SAMD12: variants seen among roughly 807,000 people sequenced by gnomAD.
SAMD12 encodes sterile alpha motif domain-containing protein 12.
In SAMD12, 9 loss-of-function variants were observed where a neutral mutation model predicts 15.0. The observed-to-expected ratio is 0.60, with a 90% CI of 0.36 to 1.05. The LOEUF (loss-of-function observed/expected upper bound fraction) is 1.05. Among genes scored for constraint, SAMD12 ranks in the 50% least tolerant of loss-of-function variants. The pLI is 0.01. For synonymous variants in SAMD12, 86 were observed against 90.1 expected (o/e 0.96, Z 0.25); for missense variants, 230 against 234.2 (o/e 0.98, Z 0.12).
chr8:118,392,117 A>G (rs1820307529), intron 3 of SAMD12, among the ~76,000 whole-genome samples: 1 of 152,200 alleles, frequency 6.6e-6, no homozygotes, highest in South Asian at 2.1e-4. Context: ...GTAACTACTC[A>G]CAGCGGTAAG....
intron 4 of SAMD12, among the ~76,000 whole-genome samples, chr8:118,332,477 G>A (rs982472483): frequency 6.6e-5 from 10 of 152,204 alleles, no homozygotes; most frequent in Admixed American, 6.5e-4. Context: ...CCCAAAACAG[G>A]ATGTGCAGGT....
At chr8:118,547,821 G>A (rs1826176018) in intron 2 of SAMD12, among the ~76,000 whole-genome samples, 1 of 152,050 alleles carries the variant, frequency 6.6e-6, no homozygotes, top group South Asian at 2.1e-4. Context: ...AATAACCACA[G>A]AAAACCAGAT....
rs11384671 is a variant in SAMD12 at position 118,507,991 on chromosome 8, CT to C, written c.193-68031del. On this transcript the variant is annotated intron_variant, in intron 2 of 3. Transcript: ENST00000314727. ...GCAAACCCCTAGATAGTATAATCTCCTTTTTTTTTTTTTTTTTTTTGAGACA... is the reference window on the plus strand; with the variant it reads ...GCAAACCCCTAGATAGTATAATCTCCTTTTTTTTTTTTTTTTTTTGAGACA... 2.9e-3 allele frequency among the ~76,000 whole-genome samples: 319 copies of C among 108,810 alleles called. 2 individuals carry two copies. Among genetic ancestry groups the C allele is most frequent in the African/African-American group, 9.1e-3 (262 of 28,690 alleles). 71.4% of individuals were successfully genotyped at this position (108,810 alleles called of 152,430 possible).
intron 2 of SAMD12, among the ~76,000 whole-genome samples, chr8:118,569,393 G>T (rs1213372949): frequency 1.3e-5 from 2 of 152,130 alleles, no homozygotes; most frequent in African/African-American, 2.4e-5. Flanking sequence ...ATGAGATACT[G>T]AACTTGGAAT....
In SAMD12 at chr8:118,587,166, T is replaced by C. The variant is rs150596985; in HGVS notation, c.14-6273A>G. ...CCACCATTAGTTATTAGAATTGAGA[T>C]AGGTTATTTCAAATTTCATGTTTAT... is the stretch of plus-strand genomic sequence containing the variant. On this transcript the variant is annotated intron_variant, in intron 1 of 3. Coordinates refer to ENST00000314727, the MANE Select transcript of SAMD12 (RefSeq NM_207506.3). Among the ~76,000 whole-genome samples the C allele has an allele frequency of 3.9e-3, 593 of 152,306 alleles. 7 individuals carry two copies. Among genetic ancestry groups the C allele is most frequent in the African/African-American group, 0.014 (566 of 41,540 alleles).
chr8:118,380,559 T>C (rs1463405680), intron 3 of SAMD12, among the ~76,000 whole-genome samples: 2 of 152,198 alleles, frequency 1.3e-5, no homozygotes, highest in Admixed American at 6.5e-5. Flanking sequence ...TATTTCCATT[T>C]TGAGGGTTTA....
chr8:118,536,437 T>TACAG (rs59107770), intron 2 of SAMD12, among the ~76,000 whole-genome samples: 18,122 of 128,078 alleles, frequency 0.14, 1,878 homozygotes, highest in African/African-American at 0.33. Context: ...TGTAGACTGA[T>TACAG]ACACAAACAC....
intron 4 of SAMD12, chr8:118,282,207 A>C: frequency 2.3e-6 from 1 of 439,386 alleles, no homozygotes. Context: ...TCAGAGGGGA[A>C]ATCTGGGTTT....
the SAMD12 span, among the ~76,000 whole-genome samples, chr8:118,175,037 A>AC: frequency 0.52 from 72,056 of 139,798 alleles, 20,602 homozygotes; most frequent in Non-Finnish European, 0.64. Context: ...AAAAAAACAA[A>AC]AAAAAAAAAA....
exon 5 of SAMD12, chr8:118,194,840 A>C (rs1034092083): frequency 1.3e-5 from 2 of 152,184 alleles, no homozygotes; most frequent in African/African-American, 4.8e-5. Context: ...AAGCCTGTGA[A>C]TGAAGTCATT....
chr8:118,423,105 G>A (rs923574332), intron 3 of SAMD12, among the ~76,000 whole-genome samples: 2 of 152,180 alleles, frequency 1.3e-5, no homozygotes, highest in African/African-American at 4.8e-5. Flanking sequence ...TGGGGCTTGT[G>A]CCCAGGGTAT....
exon 5 of SAMD12, chr8:118,190,853 C>T (rs1411223697): frequency 2.6e-5 from 4 of 152,142 alleles, no homozygotes; most frequent in African/African-American, 9.7e-5. Context: ...GAATTCAAAA[C>T]ATTTTCTTCC....
chr8:118,384,925 C>T (rs1245411061), intron 3 of SAMD12, among the ~76,000 whole-genome samples: 1 of 152,030 alleles, frequency 6.6e-6, no homozygotes, highest in African/African-American at 2.4e-5. Context: ...TATTAGGTGC[C>T]CTCAGGGCTA....
At chr8:118,359,200 G>A (rs932327611) in intron 4 of SAMD12, among the ~76,000 whole-genome samples, 1 of 152,146 alleles carries the variant, frequency 6.6e-6, no homozygotes, top group African/African-American at 2.4e-5. Flanking sequence ...AGGTCATTAG[G>A]ATAAGTTCTA....
At chr8:118,367,596 T>C (rs545844598) in intron 4 of SAMD12, among the ~76,000 whole-genome samples, 1 of 152,336 alleles carries the variant, frequency 6.6e-6, no homozygotes, top group African/African-American at 2.4e-5. Context: ...TTGTTTCACC[T>C]AGTACATTTA....
chr8:118,350,910 C>G (rs758284807), intron 4 of SAMD12, among the ~76,000 whole-genome samples: 7 of 152,166 alleles, frequency 4.6e-5, no homozygotes, highest in Non-Finnish European at 1.0e-4. Flanking sequence ...ATAAGCTAAT[C>G]CTTTTCTATT....
intron 3 of SAMD12, among the ~76,000 whole-genome samples, chr8:118,396,590 T>C (rs373206373): frequency 1.1e-4 from 16 of 152,316 alleles, no homozygotes; most frequent in African/African-American, 3.4e-4. Context: ...AATACTATCA[T>C]CCTCATTTTA....
chr8:118,228,841 T>A (rs1179442297), intron 4 of SAMD12, among the ~76,000 whole-genome samples: 1 of 152,204 alleles, frequency 6.6e-6, no homozygotes, highest in Non-Finnish European at 1.5e-5. Context: ...TGCATATGCA[T>A]GTTTATAGCA....
At chr8:118,264,720 G>GATAT (rs1164300209) in intron 4 of SAMD12, among the ~76,000 whole-genome samples, 9 of 152,098 alleles carry the variant, frequency 5.9e-5, no homozygotes, top group Non-Finnish European at 1.3e-4. Context: ...ATCACTCAGT[G>GATAT]GCTCCTACCT....
Sources: allele counts gnomAD v4.1 joint callset (sites outside exome capture counted in the v4.1 genomes callset), GRCh38; gene constraint gnomAD v4.1.1; transcripts MANE v1.5; gene names NCBI Gene and HGNC (gene_info 2026-07-23, HGNC 2026-07-21).